The following SLC2A9 variants were observed in gnomAD, a reference collection of about 807,000 sequenced individuals.
SLC2A9 encodes the protein solute carrier family 2, facilitated glucose transporter member 9.
In SLC2A9, 39 loss-of-function variants were observed where a neutral mutation model predicts 50.6. The ratio of observed to expected loss-of-function variants is 0.77; its 90% confidence interval spans 0.60 to 1.01. SLC2A9 has a LOEUF of 1.01. Among genes scored for constraint, SLC2A9 ranks in the 50% least tolerant of loss-of-function variants. The pLI, the probability that SLC2A9 is intolerant of heterozygous loss-of-function variation, is 0.00. For missense variants in SLC2A9, 686 were observed against 677.6 expected (o/e 1.01, Z -0.14); for synonymous variants, 324 against 276.9 (o/e 1.17, Z -1.69).
chr4:9,934,344 C>G (rs1200512473), intron 6 of SLC2A9, among the ~76,000 whole-genome samples: 1 of 152,240 alleles, frequency 6.6e-6, no homozygotes, highest in Admixed American at 6.5e-5. Context: ...GGAGCAGATG[C>G]TTCCCTGGGT....
rs77387738 is a variant in SLC2A9, at chr4:9,857,488, C to T, written c.1292-22480G>A. Among the ~76,000 whole-genome samples, 819 of 152,306 alleles carry T rather than the reference C, an allele frequency of 5.4e-3. 12 individuals are homozygous for T. Among genetic ancestry groups the T allele is most frequent in the African/African-American group, 0.019 (777 of 41,564 alleles). On this transcript the variant is annotated intron_variant, in intron 10 of 11. Transcript: ENST00000264784. ...GGTTCTTTACTCCATCTTCCCTCAC[C>T]ATCTCAGGCTGTCCCACATCCACCT...
At chr4:9,885,572 A>G (rs916671791) in intron 10 of SLC2A9, among the ~76,000 whole-genome samples, 1 of 152,222 alleles carries the variant, frequency 6.6e-6, no homozygotes, top group African/African-American at 2.4e-5. Context: ...AAAAGCACAC[A>G]TCTTCCCTGC....
intron 6 of SLC2A9, among the ~76,000 whole-genome samples, chr4:9,931,616 A>T (rs1056188947): frequency 1.3e-5 from 2 of 152,088 alleles, no homozygotes; most frequent in African/African-American, 2.4e-5. Flanking sequence ...AATAGTGAGG[A>T]GTTCATGCTC....
At chr4:9,909,038 C>T (rs1169070646) in intron 7 of SLC2A9, among the ~76,000 whole-genome samples, 1 of 152,118 alleles carries the variant, frequency 6.6e-6, no homozygotes, top group East Asian at 1.9e-4. Flanking sequence ...CAGAAAAGGT[C>T]CCCACTACAC....
intron 6 of SLC2A9, among the ~76,000 whole-genome samples, chr4:9,935,902 C>T (rs896776892): frequency 2.6e-5 from 4 of 152,258 alleles, no homozygotes; most frequent in East Asian, 3.9e-4. Context: ...TCATGAAATG[C>T]CCAGCCTGTG....
chr4:9,947,056 C>G (rs1010439048), intron 5 of SLC2A9, among the ~76,000 whole-genome samples: 4 of 152,194 alleles, frequency 2.6e-5, no homozygotes, highest in African/African-American at 9.7e-5. Context: ...TGGTTGACTT[C>G]TCTATTTCTC....
Position 9,999,876 on chromosome 4 carries a change from C to G in SLC2A9, c.250-2935G>C, listed in dbSNP as rs184993936. On this transcript the variant is annotated intron_variant, in intron 2 of 11. Coordinates refer to ENST00000264784, the MANE Select transcript of SLC2A9 (RefSeq NM_020041.3). ...AAAGATCATGGTGGACTTCACTAAGCAATGGAAATGGACAGAAGTGGATGG... is the reference window on the plus strand; with the variant it reads ...AAAGATCATGGTGGACTTCACTAAGGAATGGAAATGGACAGAAGTGGATGG... 2.5e-3 allele frequency among the ~76,000 whole-genome samples: 385 copies of G among 152,198 alleles called. 2 individuals carry two copies. The highest frequency in any genetic ancestry group is 0.01 in the Middle Eastern group (3 of 294).
intron 10 of SLC2A9, among the ~76,000 whole-genome samples, chr4:9,838,266 T>TGAA (rs1727417320): frequency 6.6e-6 from 1 of 152,040 alleles, no homozygotes; most frequent in Non-Finnish European, 1.5e-5. Flanking sequence ...TAGCTGCTGG[T>TGAA]GAAGATGATG....
rs555046267 is a variant in SLC2A9, at chr4:9,917,459, A to G, written c.1002+2926T>C. ...GTGATTCTCCTGCCTCAGCCTCCAG[A>G]GTAGCTGGGACTACAGGTGCCTGCC... On this transcript the variant is annotated intron_variant, in intron 7 of 11. Coordinates refer to ENST00000264784, the MANE Select transcript of SLC2A9 (RefSeq NM_020041.3). Among the ~76,000 whole-genome samples, 332 of 150,162 alleles carry G rather than the reference A, an allele frequency of 2.2e-3. 8 individuals are homozygous for G. Among genetic ancestry groups the G allele is most frequent in the Admixed American group, 0.02 (292 of 14,870 alleles).
At chr4:9,973,063 AAGAAAG>A (rs1190059397) in intron 5 of SLC2A9, among the ~76,000 whole-genome samples, 1 of 152,202 alleles carries the variant, frequency 6.6e-6, no homozygotes, top group East Asian at 1.9e-4. Flanking sequence ...TAGATTAAAA[AAGAAAG>A]AGAGACGATC....
intron 10 of SLC2A9, chr4:9,879,629 C>G (rs1187339426): frequency 2.0e-6 from 2 of 985,260 alleles, no homozygotes; most frequent in East Asian, 2.3e-4. Flanking sequence ...GTGCTCAGAC[C>G]TTAATTCGCA....
At chr4:9,783,035 G>C in intron 3 of SLC2A9, 1 of 1,614,220 alleles carries the variant, frequency 6.2e-7, no homozygotes, top group South Asian at 1.1e-5. Context: ...CTTCCCCTGC[G>C]TCAGTGAGAC....
chr4:9,995,575 TCTC>T (rs1457183717), intron 3 of SLC2A9: 1 of 152,156 alleles, frequency 6.6e-6, no homozygotes, highest in Non-Finnish European at 1.5e-5. Flanking sequence ...GTCTGATAAA[TCTC>T]CTCTTCAACT....
rs116169711 is a variant in SLC2A9 at position 9,980,855 on chromosome 4, C to T, written c.536-118G>A. ...TGGACATTAAATAGCACTGTAGCCA[C>T]GGCATTTTTCCCAGCACTTAGCACA... On this transcript the variant is annotated intron_variant, in intron 4 of 11. Transcript: ENST00000264784. 1.1e-3 allele frequency: 1,501 copies of T among 1,342,102 alleles called. 12 individuals carry two copies. In the African/African-American group the frequency reaches 0.018, roughly 16 times the overall value. 83.1% of individuals were successfully genotyped at this position (1,342,102 alleles called of 1,614,324 possible).
intron 5 of SLC2A9, among the ~76,000 whole-genome samples, chr4:9,955,197 T>C (rs4481234): frequency 0.056 from 6,824 of 120,960 alleles, 574 homozygotes; most frequent in Non-Finnish European, 0.064. Flanking sequence ...GCATAACATA[T>C]AAAACTCCAA....
chr4:10,032,482 G>A (rs1376831950), intron 1 of SLC2A9, among the ~76,000 whole-genome samples: 2 of 152,114 alleles, frequency 1.3e-5, no homozygotes, highest in Admixed American at 6.6e-5. Context: ...CAAGGGGGTT[G>A]GAGGATGATC....
chr4:9,849,050 G>A (rs939882386), intron 10 of SLC2A9, among the ~76,000 whole-genome samples: 4 of 152,282 alleles, frequency 2.6e-5, no homozygotes, highest in Non-Finnish European at 2.9e-5. Flanking sequence ...CAGGGTGCAC[G>A]TTCAGTGAGA....
At chr4:10,008,124 C>G (rs577317472) in intron 2 of SLC2A9, among the ~76,000 whole-genome samples, 1 of 152,350 alleles carries the variant, frequency 6.6e-6, no homozygotes, top group Admixed American at 6.5e-5. Flanking sequence ...CAACCACTGC[C>G]CCCACTGCAC....
intron 3 of SLC2A9, among the ~76,000 whole-genome samples, chr4:9,793,531 T>C (rs1255079280): frequency 2.0e-5 from 3 of 152,230 alleles, no homozygotes; most frequent in African/African-American, 7.2e-5. Context: ...AGATAGAACA[T>C]TGTTGAATTA....
Sources: gnomAD v4.1 joint callset for allele counts (sites outside exome capture counted in the v4.1 genomes callset) on GRCh38, gnomAD v4.1.1 for gene constraint, MANE v1.5 for transcripts, NCBI Gene and HGNC (gene_info 2026-07-23, HGNC 2026-07-21) for gene names.